Variants in LONP1 observed in about 807,000 individuals in gnomAD.
LONP1 encodes lon protease homolog, mitochondrial.
In LONP1, 31 loss-of-function variants were observed where a neutral mutation model predicts 98.5. The ratio of observed to expected loss-of-function variants is 0.31; its 90% CI spans 0.24 to 0.42. The LOEUF is 0.42. Among genes scored for constraint, LONP1 ranks in the 20% least tolerant of loss-of-function variants. The pLI, the probability that LONP1 is intolerant of heterozygous loss-of-function variation, is 1.00. For missense variants in LONP1, 1,336 were observed against 1,350.6 expected, an observed-to-expected ratio of 0.99 and a Z score of 0.17; for synonymous variants, 781 against 594.7, an observed-to-expected ratio of 1.31 and a Z score of -4.56.
At position 5,694,490 on chromosome 19, in the gene LONP1, G is replaced by C. The variant is rs370435213; in HGVS notation, c.2217C>G (p.Pro739=). The part of the protein sequence containing the change: ...SGEAESVEVT[P]ENLQDFVGKP... ...TCCCCACGAAGTCCTGCAGGTTCTC[G>C]GGCGTCACCTCCACGGACTCGGCCT... is the stretch of plus-strand genomic sequence containing the variant. Residue 739 remains proline, a synonymous_variant, in exon 15 of 18, where the codon CCC becomes CCG. Transcript: ENST00000360614. 1.9e-6 allele frequency: 3 copies of C among 1,613,294 alleles called. No homozygotes were observed. Among genetic ancestry groups the C allele is most frequent in the Non-Finnish European group, 2.5e-6 (3 of 1,179,996 alleles).
rs369828014 is a variant in LONP1 at position 5,712,009 on chromosome 19, C to T, written c.639-7G>A. On this transcript the variant is annotated splice_region_variant and splice_polypyrimidine_tract_variant and intron_variant, in intron 3 of 17. Coordinates refer to ENST00000360614, the MANE Select transcript of LONP1 (RefSeq NM_004793.4). ...CTGTCTGCTGATATGGACTCTGACACGGGAGCAAGGCAGGTGTGAATCAGC... is the reference window on the plus strand; with the variant it reads ...CTGTCTGCTGATATGGACTCTGACATGGGAGCAAGGCAGGTGTGAATCAGC... 6 of 1,608,554 alleles carry T rather than the reference C, an allele frequency of 3.7e-6. No homozygotes were observed. The highest frequency in any genetic ancestry group is 1.1e-5 in the South Asian group (1 of 90,890).
Position 5,705,786 on chromosome 19 carries a change from G to C in LONP1, c.1353C>G (p.His451Gln). 2 of 1,613,980 alleles carry C rather than the reference G, an allele frequency of 1.2e-6. No individual in the cohort carries two copies. Among genetic ancestry groups the C allele is most frequent in the Non-Finnish European group, 1.7e-6 (2 of 1,180,032 alleles). ...ELSKLGLLDN[H>Q]SSEFNVTRNY... Reference sequence around the variant, plus strand: ...CTGGCACTCACTTGAACTCCGAGGAGTGGTTGTCCAGCAGGCCCAGCTTGC... The same window carrying C: ...CTGGCACTCACTTGAACTCCGAGGACTGGTTGTCCAGCAGGCCCAGCTTGC... The change falls in exon 8 of 18, where the codon CAC (histidine) becomes CAG (glutamine). Residue 451 changes from histidine (H) to glutamine (Q), a missense_variant. His to Gln is a conservative substitution (Grantham distance 24). Transcript: ENST00000360614.
At chr19:5,697,239 G>A (rs1025276052) in intron 10 of LONP1, among the ~76,000 whole-genome samples, 1 of 152,088 alleles carries the variant, frequency 6.6e-6, no homozygotes, top group Non-Finnish European at 1.5e-5. Flanking sequence ...AGTGAGGAAG[G>A]CTCTGTCTGT....
chr19:5,706,049 G>A lies in LONP1; in HGVS notation c.1147-57C>T, dbSNP rs2055140299. The A allele has an allele frequency of 1.2e-5, 15 of 1,242,950 alleles. No individual in the cohort carries two copies. The Admixed American group carries it at 1.9e-4, about 15-fold the overall frequency. 77.0% of individuals were successfully genotyped at this position (1,242,950 alleles called of 1,614,324 possible). ...GCTCCGGGAAGCTGGGTGGGTGGGT[G>A]CGTCCCCAGACGAAGGGGGACCCTC... is the stretch of plus-strand genomic sequence containing the variant. On this transcript the variant is annotated intron_variant, in intron 7 of 17. Transcript: ENST00000360614.
At position 5,705,841 on chromosome 19, in the gene LONP1, T is replaced by A; in HGVS notation, c.1298A>T (p.His433Leu). The A allele has an allele frequency of 6.2e-7, 1 of 1,614,176 alleles. No individual in the cohort carries two copies. Among genetic ancestry groups the A allele is most frequent in the Non-Finnish European group, 8.5e-7 (1 of 1,180,044 alleles). ...ERLKELVVPK[H>L]VMDVVDEELS... ...CTCCTCGTCCACAACATCCATGACG[T>A]GCTTGGGGACCACGAGCTCCTTCAG... The change falls in exon 8 of 18, where the codon CAC becomes CTC. Residue 433 changes from histidine (H) to leucine (L), a missense_variant. Transcript: ENST00000360614.
intron 4 of LONP1, among the ~76,000 whole-genome samples, chr19:5,709,458 G>A (rs1374033885): frequency 6.6e-6 from 1 of 151,986 alleles, no homozygotes; most frequent in Non-Finnish European, 1.5e-5. Context: ...CCAAGATTGC[G>A]CCAGTGCACT....
chr19:5,717,029 C>T (rs1287030232), intron 1 of LONP1, among the ~76,000 whole-genome samples: 1 of 152,138 alleles, frequency 6.6e-6, no homozygotes, highest in Non-Finnish European at 1.5e-5. Flanking sequence ...CTCCTGACCT[C>T]GTGATCCGCC....
chr19:5,696,870 G>A (rs1415175669), intron 10 of LONP1, 113 bp from the exon 11 acceptor site: 15 of 683,444 alleles, frequency 2.2e-5, no homozygotes, highest in South Asian at 2.2e-4. Context: ...CACAAGATGT[G>A]GCCATGATGT....
intron 2 of LONP1, 144 bp downstream of exon 2, chr19:5,714,039 G>A (rs1002187991): frequency 3.3e-6 from 2 of 600,894 alleles, no homozygotes; most frequent in African/African-American, 1.9e-5. Flanking sequence ...AAGGTAGCCT[G>A]CGTGGCTTCT....
intron 1 of LONP1, 149 bp downstream of exon 1, chr19:5,719,555 G>A (rs890646080): frequency 6.2e-5 from 91 of 1,462,444 alleles, no homozygotes; most frequent in Non-Finnish European, 8.1e-5. Flanking sequence ...CCAAGCTAGT[G>A]GTGAGCAGAC....
Position 5,707,804 on chromosome 19 carries a change from G to C in LONP1, c.955C>G (p.Gln319Glu), listed in dbSNP as rs1441287329. 6.2e-7 allele frequency: 1 copy of C among 1,613,050 alleles called. No homozygotes were observed. The highest frequency in any genetic ancestry group is 8.5e-7 in the Non-Finnish European group (1 of 1,179,934). ...LYRESVLQMMQAGQRVVDNPI... is the reference protein window; with the variant it reads ...LYRESVLQMMEAGQRVVDNPI... ...TTGTCCACCACCCGCTGGCCAGCCT[G>C]CATCATCTGCAGCACTGACTCCCTG... is the stretch of plus-strand genomic sequence containing the variant. The change falls in exon 6 of 18, where the codon CAG becomes GAG. Residue 319 changes from glutamine to glutamate, a missense_variant. This residue lies in a region of LONP1 where 97 missense variants were observed against 139.0 expected (regional missense o/e 0.70). Transcript: ENST00000360614.
At chr19:5,704,592 T>C (rs1184616123) in intron 8 of LONP1, among the ~76,000 whole-genome samples, 1 of 152,180 alleles carries the variant, frequency 6.6e-6, no homozygotes, top group Non-Finnish European at 1.5e-5. Context: ...TGACAACTGG[T>C]TCCTGGGCTG....
intron 4 of LONP1, among the ~76,000 whole-genome samples, chr19:5,711,145 A>G (rs1200820413): frequency 6.6e-6 from 1 of 152,216 alleles, no homozygotes; most frequent in Non-Finnish European, 1.5e-5. Context: ...CGCCCACAGC[A>G]GACATCACCA....
At chr19:5,706,094 G>C in intron 7 of LONP1, 102 bp from the exon 8 acceptor site, 1 of 765,096 alleles carries the variant, frequency 1.3e-6, no homozygotes, top group Admixed American at 2.3e-5. Context: ...AGGACTCAGA[G>C]AGAAAAGAAA....
intron 10 of LONP1, among the ~76,000 whole-genome samples, chr19:5,697,784 T>C (rs2054967768): frequency 6.6e-6 from 1 of 151,930 alleles, no homozygotes; most frequent in African/African-American, 2.4e-5. Flanking sequence ...CCCAGAGACG[T>C]CAGCAGACGC....
At chr19:5,701,939 C>T (rs1241167452) in intron 8 of LONP1, among the ~76,000 whole-genome samples, 4 of 151,820 alleles carry the variant, frequency 2.6e-5, no homozygotes, top group South Asian at 2.1e-4. Context: ...TCTGCCCGGC[C>T]GCGACCCCGT....
chr19:5,705,729 A>AG (rs747042565), intron 8 of LONP1, 43 bp downstream of exon 8: 99 of 1,577,012 alleles, frequency 6.3e-5, no homozygotes, highest in Non-Finnish European at 7.9e-5. Context: ...GGGGCTGAGG[A>AG]GGGGTCACCT....
In LONP1 at chr19:5,702,497, C is replaced by A. The variant is rs79570523; in HGVS notation, c.1368-1570G>T. On this transcript the variant is annotated intron_variant, in intron 8 of 17. Coordinates refer to ENST00000360614, the MANE Select transcript of LONP1 (RefSeq NM_004793.4). ...GAGGGAGGAGTGGGGGTCAGCCCCC[C>A]GCCCGGCCAGCCGCCCCATCTGGGA... Among the ~76,000 whole-genome samples, 884 of 151,610 alleles carry A rather than the reference C, an allele frequency of 5.8e-3. 19 individuals are homozygous for A. Among genetic ancestry groups the A allele is most frequent in the East Asian group, 0.057 (291 of 5,116 alleles).
Position 5,692,200 on chromosome 19 carries a change from G to A in LONP1, c.2712C>T (p.Arg904=), listed in dbSNP as rs370957916. ...GCAGGACGATGCACGTCACCCCTGCGCGCTTGGCCTGGGGGCAGAGTCAGG... is the reference window on the plus strand; with the variant it reads ...GCAGGACGATGCACGTCACCCCTGCACGCTTGGCCTGGGGGCAGAGTCAGG... The part of the protein sequence containing the change: ...GIKEKTIAAK[R]AGVTCIVLPA... Residue 904 remains arginine, a synonymous_variant, in exon 18 of 18, where the codon CGC becomes CGT. Transcript: ENST00000360614. 8 of 1,612,056 alleles carry A rather than the reference G, an allele frequency of 5.0e-6. No homozygotes were observed. Among genetic ancestry groups the A allele is most frequent in the Admixed American group, 1.7e-5 (1 of 59,880 alleles).
Sources: allele counts gnomAD v4.1 joint callset (sites outside exome capture counted in the v4.1 genomes callset), GRCh38; gene constraint gnomAD v4.1.1; regional missense constraint gnomAD v4.1.1; transcripts MANE v1.5; gene names NCBI Gene and HGNC (gene_info 2026-07-23, HGNC 2026-07-21).